Variants in RECQL5 observed in about 807,000 individuals in gnomAD.
RECQL5 encodes the protein RecQ like helicase 5.
RECQL5 carries 88 observed loss-of-function variants against 103.4 expected under a neutral mutation model. The observed-to-expected ratio is 0.85, with a 90% CI of 0.72 to 1.02. RECQL5 has a LOEUF of 1.02. Ranked by LOEUF, RECQL5 falls within the 50% of genes least tolerant of loss-of-function variation. RECQL5 has a pLI of 0.00. For missense variants in RECQL5, 1,232 were observed against 1,284.3 expected (o/e 0.96, Z 0.62); for synonymous variants, 552 against 507.9 (o/e 1.09, Z -1.17).
At chr17:75,633,923 C>T (rs530054634) in intron 8 of RECQL5, 16 of 987,058 alleles carry the variant, frequency 1.6e-5, no homozygotes, top group East Asian at 1.1e-4. Context: ...CCCTGAGCAG[C>T]GCTCTCAGGG....
chr17:75,633,416 C>T (rs952551164), intron 8 of RECQL5: 4 of 1,285,830 alleles, frequency 3.1e-6, no homozygotes, highest in South Asian at 2.5e-5. Context: ...GCCCTGACAG[C>T]TGGGCCAGGA....
At chr17:75,658,497 G>T in intron 6 of RECQL5, 37 bp from the exon 7 acceptor site, 2 of 1,601,872 alleles carry the variant, frequency 1.2e-6, no homozygotes, top group South Asian at 2.2e-5. Context: ...ATGAGATGGT[G>T]GAGAAGCTGA....
intron 3 of RECQL5, among the ~76,000 whole-genome samples, chr17:75,664,445 T>C (rs2059740505): frequency 6.6e-6 from 1 of 152,154 alleles, no homozygotes; most frequent in African/African-American, 2.4e-5. Flanking sequence ...ACTGAGTGTA[T>C]ATGTGTGTAC....
Position 75,651,280 on chromosome 17 carries a change from T to C in RECQL5, c.1150-15A>G. 6.2e-7 allele frequency: 1 copy of C among 1,613,984 alleles called. No homozygotes were observed. Among genetic ancestry groups the C allele is most frequent in the Non-Finnish European group, 8.5e-7 (1 of 1,179,986 alleles). On this transcript the variant is annotated splice_polypyrimidine_tract_variant and intron_variant, in intron 7 of 19. Coordinates refer to ENST00000317905, the MANE Select transcript of RECQL5 (RefSeq NM_004259.7). ...CCTCTCTTTTCCTGGGGACAAAAAA[T>C]GACCACTTAGCAAGTCTTATAGAAT...
intron 8 of RECQL5, among the ~76,000 whole-genome samples, chr17:75,632,030 C>T (rs1376836495): frequency 6.6e-6 from 1 of 152,208 alleles, no homozygotes; most frequent in Non-Finnish European, 1.5e-5. Flanking sequence ...CACACTTCAC[C>T]TCCTAAAGCC....
At chr17:75,634,963 G>A (rs140854485) in intron 8 of RECQL5, among the ~76,000 whole-genome samples, 4 of 152,266 alleles carry the variant, frequency 2.6e-5, no homozygotes, top group East Asian at 1.9e-4. Flanking sequence ...AGCAGGACCC[G>A]GCTGTTTGGT....
rs375671948 is a variant in RECQL5, at chr17:75,660,948, A to C, written c.986+7T>G. ...ACCAGGAGGGCAGGGCAAGAACCAA[A>C]GCTCACCTGACATTGGCTTTATCCA... On this transcript the variant is annotated splice_region_variant and intron_variant, in intron 6 of 19. Transcript: ENST00000317905. 469 of 1,607,232 alleles carry C rather than the reference A, an allele frequency of 2.9e-4. 1 individual carries two copies. Among genetic ancestry groups the C allele is most frequent in the Non-Finnish European group, 3.6e-4 (426 of 1,173,856 alleles).
At position 75,628,245 on chromosome 17, in the gene RECQL5, G is replaced by C; in HGVS notation, c.2778C>G (p.Phe926Leu). ...ANVVVKCLTP[F>L]YKEGKFASKE... ...TGGAAGCAAACTTGCCCTCCTTGTAGAAAGGGGTGAGGCACTTGACCACAA... is the reference window on the plus strand; with the variant it reads ...TGGAAGCAAACTTGCCCTCCTTGTACAAAGGGGTGAGGCACTTGACCACAA... Residue 926 changes from phenylalanine to leucine, a missense_variant, in exon 18 of 20, where the codon TTC (phenylalanine) becomes TTG (leucine). Phe to Leu is a conservative substitution (Grantham distance 22). Transcript: ENST00000317905. The C allele has an allele frequency of 6.2e-7, 1 of 1,614,170 alleles. No homozygotes were observed. Among genetic ancestry groups the C allele is most frequent in the African/African-American group, 1.3e-5 (1 of 75,040 alleles).
At position 75,649,764 on chromosome 17, in the gene RECQL5, C is replaced by G. The variant is rs980734512; in HGVS notation, c.1229+1422G>C. On this transcript the variant is annotated intron_variant, in intron 8 of 19. Transcript: ENST00000317905. Reference sequence around the variant, plus strand: ...CCTGCTGCCTGGATTTCAGAATCATCACATGTAGCAAAGGAGACAGGCACG... The same window carrying G: ...CCTGCTGCCTGGATTTCAGAATCATGACATGTAGCAAAGGAGACAGGCACG... The G allele has an allele frequency of 5.1e-6, 5 of 985,376 alleles. No homozygotes were observed. In the African/African-American group the frequency reaches 8.7e-5, roughly 17 times the overall value. The allele number at this position is 985,376 out of a possible 1,614,324, so 61.0% of individuals were successfully genotyped here. A position where few individuals can be genotyped will look rare whatever the true frequency, so the allele number is the denominator to read the frequency against.
chr17:75,648,324 T>C (rs2059512757), intron 8 of RECQL5, among the ~76,000 whole-genome samples: 1 of 152,124 alleles, frequency 6.6e-6, no homozygotes. Context: ...TAAGGCCACT[T>C]GTTTTATACT....
rs377094462 is a variant in RECQL5, at chr17:75,666,447, C to T, written c.111G>A (p.Ala37=). ...DSFKTPLQES[A]TMAVVKGNKD... is the part of the protein sequence containing the mutation. ...TGTTACCTTTTACTACAGCCATGGT[C>T]GCACTCTCCTGTAAAGGCGTCTTAA... Residue 37 remains alanine, a synonymous_variant, in exon 2 of 20, where the codon GCG becomes GCA. Coordinates refer to ENST00000317905, the MANE Select transcript of RECQL5 (RefSeq NM_004259.7). The T allele has an allele frequency of 6.2e-7, 1 of 1,613,888 alleles. No individual in the cohort carries two copies. Among genetic ancestry groups the T allele is most frequent in the African/African-American group, 1.3e-5 (1 of 74,862 alleles).
chr17:75,656,846 G>A (rs1019610965), intron 7 of RECQL5, among the ~76,000 whole-genome samples: 9 of 148,450 alleles, frequency 6.1e-5, no homozygotes, highest in African/African-American at 1.2e-4. Flanking sequence ...CTGGGTTCAC[G>A]CCCTTCTCCT....
intron 1 of RECQL5, 154 bp from the exon 2 acceptor site, chr17:75,666,725 A>T: frequency 1.5e-6 from 1 of 689,594 alleles, no homozygotes; most frequent in Non-Finnish European, 2.4e-6. Flanking sequence ...GAACTGCCTC[A>T]AGCAATACAT....
intron 3 of RECQL5, among the ~76,000 whole-genome samples, chr17:75,664,243 TTAAA>T (rs759423121): frequency 6.6e-5 from 10 of 152,120 alleles, no homozygotes; most frequent in Admixed American, 2.0e-4. Flanking sequence ...TCTGCAGGCC[TTAAA>T]TAGTCAGAAC....
At chr17:75,662,389 A>C (rs897986168) in intron 4 of RECQL5, 90 bp downstream of exon 4, 21 of 1,410,418 alleles carry the variant, frequency 1.5e-5, no homozygotes, top group African/African-American at 2.9e-5. Context: ...AGAAAGCTAG[A>C]AAAACCAAAG....
chr17:75,629,815 C>T lies in RECQL5; in HGVS notation c.1840G>A (p.Asp614Asn), dbSNP rs1456469911. ...CCTCCCATGTCATAGGGCTGCCCAT[C>T]CTTGGAGGCTCTGTGGATATCGGCC... ...KVADIHRASK[D>N]GQPYDMGGSA... The change falls in exon 15 of 20, where the codon GAT becomes AAT. Residue 614 changes from aspartate (D) to asparagine (N), a missense_variant. Asp to Asn is a conservative substitution (Grantham distance 23). Coordinates refer to ENST00000317905, the MANE Select transcript of RECQL5 (RefSeq NM_004259.7). 2 of 1,612,842 alleles carry T rather than the reference C, an allele frequency of 1.2e-6. No individual in the cohort carries two copies. Among genetic ancestry groups the T allele is most frequent in the East Asian group, 2.2e-5 (1 of 44,858 alleles).
intron 8 of RECQL5, chr17:75,647,552 G>A (rs1486791480): frequency 6.5e-7 from 1 of 1,549,994 alleles, no homozygotes; most frequent in African/African-American, 1.4e-5. Context: ...TGTGAAGCGG[G>A]TGAAGAGGAG....
intron 7 of RECQL5, among the ~76,000 whole-genome samples, chr17:75,653,805 T>C (rs1313912777): frequency 2.0e-5 from 3 of 151,738 alleles, no homozygotes; most frequent in Non-Finnish European, 4.4e-5. Context: ...GGCTGAGGCA[T>C]GAAAATTGCT....
chr17:75,659,127 T>A (rs1313611048), intron 6 of RECQL5, among the ~76,000 whole-genome samples: 1 of 152,220 alleles, frequency 6.6e-6, no homozygotes, highest in East Asian at 1.9e-4. Context: ...AGTGGAGTGA[T>A]CTCAGCTCAC....
Sources: allele counts gnomAD v4.1 joint callset (sites outside exome capture counted in the v4.1 genomes callset), GRCh38; gene constraint gnomAD v4.1.1; transcripts MANE v1.5; gene names NCBI Gene and HGNC (gene_info 2026-07-23, HGNC 2026-07-21).